UNC93A: variants seen among roughly 807,000 people sequenced by gnomAD.
UNC93A encodes the protein N-acetylglucosamine transporter UNC93A.
UNC93A carries 43 observed loss-of-function variants against 47.5 expected under a neutral mutation model. The ratio of observed to expected loss-of-function variants is 0.91; its 90% CI spans 0.71 to 1.17. UNC93A has a LOEUF of 1.17. Among genes scored for constraint, UNC93A ranks in the 50% most tolerant of loss-of-function variants. UNC93A has a pLI of 0.00. For synonymous variants in UNC93A, 280 were observed against 258.0 expected (o/e 1.09, Z -0.82); for missense variants, 605 against 577.6 (o/e 1.05, Z -0.49).
intron 6 of UNC93A, 66 bp downstream of exon 6, chr6:167,306,116 C>T (rs1778384125): frequency 3.1e-6 from 5 of 1,601,128 alleles, no homozygotes; most frequent in Middle Eastern, 1.7e-4. Context: ...GCGCACAGCT[C>T]ACAGTCAGGA....
At chr6:167,299,637 C>T (rs990952601) in intron 4 of UNC93A, among the ~76,000 whole-genome samples, 11 of 152,194 alleles carry the variant, frequency 7.2e-5, no homozygotes, top group Admixed American at 7.2e-4. Flanking sequence ...GAGCACAGTT[C>T]CCAGCTGACT....
intron 7 of UNC93A, among the ~76,000 whole-genome samples, chr6:167,311,059 C>T (rs921944914): frequency 2.0e-5 from 3 of 152,152 alleles, no homozygotes; most frequent in Non-Finnish European, 4.4e-5. Context: ...TTTGAAAAAA[C>T]TGGAAATTTT....
intron 1 of UNC93A, among the ~76,000 whole-genome samples, chr6:167,293,761 C>T (rs1470814213): frequency 6.6e-6 from 1 of 152,218 alleles, no homozygotes; most frequent in Non-Finnish European, 1.5e-5. Context: ...AAAGGACGCT[C>T]TTTTGTGGCA....
At chr6:167,311,420 C>A (rs1297043646) in intron 7 of UNC93A, among the ~76,000 whole-genome samples, 1 of 152,234 alleles carries the variant, frequency 6.6e-6, no homozygotes, top group Non-Finnish European at 1.5e-5. Flanking sequence ...AGATCTGTGC[C>A]AGGCACTCCT....
At chr6:167,282,402 G>A (rs1783649012) in intron 1 of UNC93A, among the ~76,000 whole-genome samples, 1 of 152,012 alleles carries the variant, frequency 6.6e-6, no homozygotes, top group Non-Finnish European at 1.5e-5. Flanking sequence ...TGGGGGAGGG[G>A]GATTTTTTGT....
intron 7 of UNC93A, among the ~76,000 whole-genome samples, chr6:167,311,019 G>GCA (rs1778541394): frequency 6.6e-6 from 1 of 152,216 alleles, no homozygotes; most frequent in Non-Finnish European, 1.5e-5. Flanking sequence ...ATGCAGCACA[G>GCA]CACACACACA....
rs776172605 is a variant in UNC93A, at chr6:167,307,919, C to G, written c.1108+9C>G. 6.8e-6 allele frequency: 11 copies of G among 1,613,162 alleles called. No individual in the cohort carries two copies. The highest frequency in any genetic ancestry group is 9.3e-6 in the Non-Finnish European group (11 of 1,179,550). Reference sequence around the variant, plus strand: ...GCAGACACAAAACAATGGTGAGTCCCCAGCCCAGGCCCCTTCCTCTGTGGC... The same window carrying G: ...GCAGACACAAAACAATGGTGAGTCCGCAGCCCAGGCCCCTTCCTCTGTGGC... On this transcript the variant is annotated intron_variant, in intron 7 of 7. Transcript: ENST00000230256.
At chr6:167,273,361 A>G (rs1783483049) in intron 1 of UNC93A, among the ~76,000 whole-genome samples, 1 of 146,970 alleles carries the variant, frequency 6.8e-6, no homozygotes, top group Non-Finnish European at 1.5e-5. Flanking sequence ...GGGTGTGGAG[A>G]GACAGAGCCT....
intron 1 of UNC93A, among the ~76,000 whole-genome samples, chr6:167,277,546 G>A (rs189345338): frequency 6.6e-6 from 1 of 152,290 alleles, no homozygotes; most frequent in East Asian, 1.9e-4. Flanking sequence ...GAGGCAGATT[G>A]CAGGTCAGGC....
At chr6:167,290,979 G>A (rs867958061), upstream of UNC93A, among the ~76,000 whole-genome samples, 3 of 152,116 alleles carry the variant, frequency 2.0e-5, no homozygotes, top group East Asian at 1.9e-4. Context: ...TTACAATCAC[G>A]TTAGCTCTTT....
At chr6:167,293,711 T>A (rs1236740366) in intron 1 of UNC93A, among the ~76,000 whole-genome samples, 1 of 152,114 alleles carries the variant, frequency 6.6e-6, no homozygotes, top group African/African-American at 2.4e-5. Context: ...TTCTCCTGAG[T>A]CCTCACCCTG....
At chr6:167,274,815 G>A (rs947846836) in intron 1 of UNC93A, among the ~76,000 whole-genome samples, 1 of 152,114 alleles carries the variant, frequency 6.6e-6, no homozygotes, top group Non-Finnish European at 1.5e-5. Flanking sequence ...ATAATACAGA[G>A]TCAGCCCCCA....
intron 7 of UNC93A, among the ~76,000 whole-genome samples, chr6:167,313,534 T>G (rs1778612357): frequency 6.6e-6 from 1 of 152,054 alleles, no homozygotes; most frequent in Non-Finnish European, 1.5e-5. Context: ...GTGAGTCCCT[T>G]TCTTGGAGGA....
At chr6:167,302,734 G>T (rs992270188) in intron 4 of UNC93A, among the ~76,000 whole-genome samples, 8 of 152,050 alleles carry the variant, frequency 5.3e-5, no homozygotes, top group African/African-American at 1.9e-4. Flanking sequence ...ATATTTTTTT[G>T]TATAGATAAC....
intron 1 of UNC93A, among the ~76,000 whole-genome samples, chr6:167,280,519 A>G (rs1000181623): frequency 3.9e-5 from 6 of 152,146 alleles, no homozygotes; most frequent in Admixed American, 3.9e-4. Flanking sequence ...GGCCCTGTGC[A>G]TTTTTTGTCC....
At chr6:167,288,872 C>T (rs1322521297), upstream of UNC93A, among the ~76,000 whole-genome samples, 2 of 152,238 alleles carry the variant, frequency 1.3e-5, no homozygotes, top group African/African-American at 4.8e-5. Flanking sequence ...TTCCGGAACA[C>T]GCGTGCTCTG....
At chr6:167,299,050 GGAGGTTGCAGT>G (rs1297507458) in intron 4 of UNC93A, among the ~76,000 whole-genome samples, 1 of 151,008 alleles carries the variant, frequency 6.6e-6, no homozygotes, top group Non-Finnish European at 1.5e-5. Flanking sequence ...CCCGGGAGGT[GGAGGTTGCAGT>G]GAGCCAAGAT....
At chr6:167,274,025 A>G (rs1250573453) in intron 1 of UNC93A, among the ~76,000 whole-genome samples, 2 of 152,202 alleles carry the variant, frequency 1.3e-5, no homozygotes, top group Non-Finnish European at 2.9e-5. Context: ...GATTTTCTAC[A>G]GAATATAGAC....
At chr6:167,301,239 T>C (rs965729607) in intron 4 of UNC93A, among the ~76,000 whole-genome samples, 2 of 152,168 alleles carry the variant, frequency 1.3e-5, no homozygotes, top group African/African-American at 2.4e-5. Flanking sequence ...CCCAGTGTGC[T>C]CTCTGGCCAC....
Sources: gnomAD v4.1 joint callset for allele counts (sites outside exome capture counted in the v4.1 genomes callset) on GRCh38, gnomAD v4.1.1 for gene constraint, MANE v1.5 for transcripts, NCBI Gene and HGNC (gene_info 2026-07-23, HGNC 2026-07-21) for gene names.